The following BAIAP2 variants were observed in gnomAD, a reference collection of about 807,000 sequenced individuals.
The protein encoded by BAIAP2 is BAR/IMD domain-containing adapter protein 2.
In BAIAP2, 18 loss-of-function variants were observed where a neutral mutation model predicts 63.0. That is an observed-to-expected ratio of 0.29 (90% confidence interval 0.20 to 0.42). BAIAP2 has a LOEUF of 0.42. Among genes scored for constraint, BAIAP2 ranks in the 10% least tolerant of loss-of-function variants. The pLI is 1.00. For synonymous variants in BAIAP2, 386 were observed against 307.6 expected, an observed-to-expected ratio of 1.25 and a Z score of -2.67; for missense variants, 610 against 734.3, an observed-to-expected ratio of 0.83 and a Z score of 1.96.
chr17:81,047,553 C>T (rs74002019), intron 1 of BAIAP2, among the ~76,000 whole-genome samples: 3,983 of 152,166 alleles, frequency 0.026, 167 homozygotes, highest in African/African-American at 0.092. Context: ...CGTTCATGCC[C>T]ACAGCACACA....
At chr17:81,085,784 T>G in intron 5 of BAIAP2, 59 bp downstream of exon 5, 1 of 1,342,794 alleles carries the variant, frequency 7.4e-7, no homozygotes, top group Non-Finnish European at 1.1e-6. Context: ...CTCTCCCAAA[T>G]GCCTGCCACT....
At chr17:81,038,043 T>C (rs938332168) in intron 1 of BAIAP2, among the ~76,000 whole-genome samples, 1 of 152,168 alleles carries the variant, frequency 6.6e-6, no homozygotes, top group Non-Finnish European at 1.5e-5. Context: ...TCAGACCTTC[T>C]GGGGGCACTG....
At chr17:81,047,559 A>G (rs1216638877) in intron 1 of BAIAP2, among the ~76,000 whole-genome samples, 1 of 152,162 alleles carries the variant, frequency 6.6e-6, no homozygotes, top group East Asian at 1.9e-4. Context: ...TGCCCACAGC[A>G]CACACATGGG....
chr17:81,085,492 C>A, intron 4 of BAIAP2, 162 bp from the exon 5 acceptor site: 1 of 707,108 alleles, frequency 1.4e-6, no homozygotes, highest in Non-Finnish European at 2.6e-6. Flanking sequence ...AGGGTGCACA[C>A]GGGCATGCGG....
At chr17:81,101,375 A>G (rs2058460979) in intron 7 of BAIAP2, among the ~76,000 whole-genome samples, 1 of 152,178 alleles carries the variant, frequency 6.6e-6, no homozygotes, top group Non-Finnish European at 1.5e-5. Flanking sequence ...CCCAGAGGCC[A>G]GACTCCCCAC....
intron 10 of BAIAP2, among the ~76,000 whole-genome samples, 190 bp downstream of exon 10, chr17:81,104,905 C>CCTGG (rs2058939972): frequency 6.6e-6 from 1 of 152,050 alleles, no homozygotes; most frequent in South Asian, 2.1e-4. Context: ...CGTCTTCTCC[C>CCTGG]CTGGCAGGGG....
At chr17:81,104,244 A>C (rs949484852) in intron 9 of BAIAP2, 136 bp downstream of exon 9, 2 of 1,007,242 alleles carry the variant, frequency 2.0e-6, no homozygotes, top group South Asian at 1.6e-5. Flanking sequence ...ACCTACATGC[A>C]TGTGGTACAC....
chr17:81,059,056 C>T (rs1403749211), intron 3 of BAIAP2, among the ~76,000 whole-genome samples: 4 of 152,310 alleles, frequency 2.6e-5, no homozygotes, highest in South Asian at 2.1e-4. Flanking sequence ...AGTTCACTCA[C>T]GACGTCCTGC....
intron 6 of BAIAP2, among the ~76,000 whole-genome samples, chr17:81,093,709 A>T (rs753849658): frequency 1.3e-5 from 2 of 152,108 alleles, no homozygotes; most frequent in Non-Finnish European, 2.9e-5. Context: ...TGGGTGTGCG[A>T]GGCCTATAGC....
intron 2 of BAIAP2, 130 bp from the exon 3 acceptor site, chr17:81,057,750 CG>C (rs1372995747): frequency 4.2e-6 from 6 of 1,415,044 alleles, no homozygotes; most frequent in Non-Finnish European, 4.6e-6. Context: ...CACAGCGAGT[CG>C]AGTATTCTCC....
At chr17:81,039,385 C>T (rs565686590) in intron 1 of BAIAP2, among the ~76,000 whole-genome samples, 3 of 152,280 alleles carry the variant, frequency 2.0e-5, no homozygotes, top group East Asian at 3.9e-4. Context: ...TGGCGTCCAG[C>T]GTTCGCTTGG....
At position 81,115,114 on chromosome 17, in the gene BAIAP2, C is replaced by T. The variant is rs906099270; in HGVS notation, c.1536-656C>T. 3.9e-5 allele frequency among the ~76,000 whole-genome samples: 6 copies of T among 152,266 alleles called. No individual in the cohort carries two copies. The East Asian group carries it at 1.2e-3, about 29-fold the overall frequency. On this transcript the variant is annotated intron_variant, in intron 13 of 13. Coordinates refer to ENST00000428708, the MANE Select transcript of BAIAP2 (RefSeq NM_001144888.2). The stretch of plus-strand genomic sequence containing the variant: ...TCCATTTCAACTTCTTGTCTTGAGT[C>T]GTATTTGTGCATCAGCTGTGGCCCC...
chr17:81,042,392 G>A (rs1273061166), intron 1 of BAIAP2, among the ~76,000 whole-genome samples: 1 of 151,938 alleles, frequency 6.6e-6, no homozygotes, highest in East Asian at 1.9e-4. Flanking sequence ...CTAGGCTCAA[G>A]CAGTCCTCCC....
chr17:81,061,236 C>T lies in BAIAP2; in HGVS notation c.217+3269C>T, dbSNP rs113427399. 9.1e-3 allele frequency among the ~76,000 whole-genome samples: 1,389 copies of T among 152,350 alleles called. 22 individuals carry two copies. Among genetic ancestry groups the T allele is most frequent in the African/African-American group, 0.032 (1,341 of 41,574 alleles). ...ATAATTATCACAGTATTTGTTTAAACTCATGTACGGTGTTATCTGATGATA... is the reference window on the plus strand; with the variant it reads ...ATAATTATCACAGTATTTGTTTAAATTCATGTACGGTGTTATCTGATGATA... On this transcript the variant is annotated intron_variant, in intron 3 of 13. Coordinates refer to ENST00000428708, the MANE Select transcript of BAIAP2 (RefSeq NM_001144888.2).
At chr17:81,095,438 C>T (rs1192282512) in intron 6 of BAIAP2, among the ~76,000 whole-genome samples, 1 of 152,198 alleles carries the variant, frequency 6.6e-6, no homozygotes, top group African/African-American at 2.4e-5. Flanking sequence ...TGTGGTGAAG[C>T]TCCTGCCTGG....
At chr17:81,070,336 C>T (rs2144763841) in intron 3 of BAIAP2, among the ~76,000 whole-genome samples, 1 of 152,350 alleles carries the variant, frequency 6.6e-6, no homozygotes, top group Middle Eastern at 3.4e-3. Flanking sequence ...TGGGTCTGCC[C>T]TCCACACTGA....
chr17:81,051,032 C>T (rs2048600080), intron 1 of BAIAP2, among the ~76,000 whole-genome samples: 1 of 151,886 alleles, frequency 6.6e-6, no homozygotes, highest in South Asian at 2.1e-4. Context: ...GTCTCTGGCT[C>T]ACGTTCTCCT....
At chr17:81,051,545 G>A (rs193032258) in intron 1 of BAIAP2, among the ~76,000 whole-genome samples, 11 of 152,226 alleles carry the variant, frequency 7.2e-5, no homozygotes, top group East Asian at 1.9e-4. Context: ...GATTACAGGC[G>A]TCTGCCACCA....
At chr17:81,092,486 C>A (rs914367550) in intron 6 of BAIAP2, among the ~76,000 whole-genome samples, 37 of 152,294 alleles carry the variant, frequency 2.4e-4, no homozygotes, top group African/African-American at 8.7e-4. Context: ...GTGGATTTCT[C>A]TGTCTGCCTG....
Sources: gnomAD v4.1 joint callset for allele counts (sites outside exome capture counted in the v4.1 genomes callset) on GRCh38, gnomAD v4.1.1 for gene constraint, MANE v1.5 for transcripts, NCBI Gene and HGNC (gene_info 2026-07-23, HGNC 2026-07-21) for gene names.